Variants in SLC25A16 observed in about 807,000 individuals in gnomAD.
The protein encoded by SLC25A16 is mitochondrial coenzyme A transporter SLC25A16.
SLC25A16 carries 39 observed loss-of-function variants against 41.5 expected under a neutral mutation model. The observed-to-expected ratio is 0.94, with a 90% CI of 0.73 to 1.23. The LOEUF (loss-of-function observed/expected upper bound fraction) is 1.23, where lower values mean the gene tolerates loss of function less well. Ranked by LOEUF, SLC25A16 falls within the 50% of genes most tolerant of loss-of-function variation. SLC25A16 has a pLI of 0.00. For synonymous variants in SLC25A16, 146 were observed against 147.8 expected, an observed-to-expected ratio of 0.99 and a Z score of 0.09; for missense variants, 421 against 426.9, an observed-to-expected ratio of 0.99 and a Z score of 0.12.
intron 2 of SLC25A16, among the ~76,000 whole-genome samples, chr10:68,509,702 C>CAA (rs147491161): frequency 8.3e-4 from 115 of 138,934 alleles, no homozygotes; most frequent in African/African-American, 2.9e-3. Context: ...GACCATGTCT[C>CAA]AAAAAAAAAA....
At chr10:68,491,835 C>T (rs12773713) in intron 6 of SLC25A16, among the ~76,000 whole-genome samples, 110 of 149,548 alleles carry the variant, frequency 7.4e-4, no homozygotes, top group African/African-American at 2.6e-3. Context: ...GATTGATTGA[C>T]TGATTGATTT....
rs892447073 is a variant in SLC25A16, at chr10:68,482,666, C to G, written c.*766G>C. On this transcript the variant is annotated 3_prime_UTR_variant, in exon 9 of 9. Coordinates refer to ENST00000609923, the MANE Select transcript of SLC25A16 (RefSeq NM_152707.4). ...CTGACATTTTAAAACACATGTAAGT[C>G]ACTCATAGTACCTCATAATAACATT... 2 of 152,052 alleles carry G rather than the reference C, an allele frequency of 1.3e-5. No individual in the cohort carries two copies. Among genetic ancestry groups the G allele is most frequent in the Admixed American group, 1.3e-4 (2 of 15,242 alleles). 9.4% of individuals were successfully genotyped at this position (152,052 alleles called of 1,614,324 possible).
chr10:68,509,756 T>TATATATATATAG (rs1564923092), intron 2 of SLC25A16, among the ~76,000 whole-genome samples: 3 of 148,154 alleles, frequency 2.0e-5, no homozygotes, highest in African/African-American at 7.4e-5. Flanking sequence ...TATATATAGA[T>TATATATATATAG]ATATAGATAT....
chr10:68,509,445 T>C (rs2053015945), intron 2 of SLC25A16, among the ~76,000 whole-genome samples: 1 of 152,116 alleles, frequency 6.6e-6, no homozygotes, highest in African/African-American at 2.4e-5. Context: ...CCAGGCACAG[T>C]AGCTCATGCC....
intron 1 of SLC25A16, among the ~76,000 whole-genome samples, chr10:68,520,345 C>T (rs1362103895): frequency 6.6e-6 from 1 of 152,142 alleles, no homozygotes; most frequent in Non-Finnish European, 1.5e-5. Flanking sequence ...TACCACCAGT[C>T]ATCCATGTTC....
chr10:68,519,669 C>T (rs61856477), intron 1 of SLC25A16, among the ~76,000 whole-genome samples: 16,664 of 151,766 alleles, frequency 0.11, 1,026 homozygotes, highest in South Asian at 0.24. Context: ...ATTCCCAGCA[C>T]TTTGGGAGGC....
At chr10:68,509,733 A>ATC (rs1554919951) in intron 2 of SLC25A16, among the ~76,000 whole-genome samples, 3,197 of 145,024 alleles carry the variant, frequency 0.022, 122 homozygotes, top group African/African-American at 0.078. Flanking sequence ...CTATCTATCT[A>ATC]TATATATATC....
At chr10:68,501,424 G>A (rs2052842652) in intron 4 of SLC25A16, among the ~76,000 whole-genome samples, 2 of 151,652 alleles carry the variant, frequency 1.3e-5, no homozygotes, top group Admixed American at 6.6e-5. Flanking sequence ...CAGGCTGAGT[G>A]TAAACTCATC....
intron 2 of SLC25A16, among the ~76,000 whole-genome samples, chr10:68,513,667 G>T (rs536528726): frequency 6.6e-6 from 1 of 151,970 alleles, no homozygotes; most frequent in East Asian, 1.9e-4. Flanking sequence ...AGGCGGGCAG[G>T]TCACCTGAGG....
chr10:68,527,166 G>A, intron 1 of SLC25A16, 80 bp downstream of exon 1: 1 of 1,447,996 alleles, frequency 6.9e-7, no homozygotes, highest in Non-Finnish European at 9.3e-7. Context: ...GAATGTCATA[G>A]AGGCCGCTTG....
In SLC25A16 at chr10:68,527,487, G is replaced by T. The variant is rs1017737732; in HGVS notation, c.-112C>A. ...CTGACCGCCCCGCCGGCGGGGCAAA[G>T]TAACACCCGGCGGCGCGGCGCCGGC... On this transcript the variant is annotated 5_prime_UTR_variant, in exon 1 of 9. Coordinates refer to ENST00000609923, the MANE Select transcript of SLC25A16 (RefSeq NM_152707.4). The T allele has an allele frequency of 9.3e-7, 1 of 1,079,036 alleles. No homozygotes were observed. The highest frequency in any genetic ancestry group is 3.5e-5 in the Admixed American group (1 of 28,330). 66.8% of individuals were successfully genotyped at this position (1,079,036 alleles called of 1,614,324 possible).
intron 1 of SLC25A16, among the ~76,000 whole-genome samples, chr10:68,520,220 G>A (rs1196224475): frequency 6.6e-6 from 1 of 151,360 alleles, no homozygotes; most frequent in Non-Finnish European, 1.5e-5. Flanking sequence ...ACCTCCCAAA[G>A]TACTGGGATT....
intron 1 of SLC25A16, among the ~76,000 whole-genome samples, chr10:68,518,728 C>G (rs571240557): frequency 6.6e-6 from 1 of 151,114 alleles, no homozygotes; most frequent in South Asian, 2.1e-4. Flanking sequence ...GAGCCGAGAT[C>G]GCACCACTGC....
chr10:68,508,777 C>A (rs2053004279), intron 2 of SLC25A16, among the ~76,000 whole-genome samples: 1 of 151,954 alleles, frequency 6.6e-6, no homozygotes, highest in Admixed American at 6.6e-5. Context: ...AAAGGTTAAG[C>A]CCTGTTTAAT....
chr10:68,524,031 C>A (rs1403579740), intron 1 of SLC25A16, among the ~76,000 whole-genome samples: 6 of 145,928 alleles, frequency 4.1e-5, no homozygotes, highest in African/African-American at 1.6e-4. Context: ...GTCAAAAGAT[C>A]AAGACCAGGT....
intron 2 of SLC25A16, among the ~76,000 whole-genome samples, chr10:68,508,934 A>T (rs1483888008): frequency 6.6e-6 from 1 of 152,164 alleles, no homozygotes; most frequent in Non-Finnish European, 1.5e-5. Context: ...GCTCTGTTGC[A>T]GGTCCACATA....
Position 68,527,349 on chromosome 10 carries a change from G to T in SLC25A16, c.27C>A (p.Ala9=). ...CGGGAGGGGGATCGGCCGCCGCCAG[G>T]GCTGCCGCGGCCGTCGCCGCCGCCA... The part of the protein sequence containing the change: MAAATAAA[A]LAAADPPPAM... Residue 9 remains alanine, a synonymous_variant, in exon 1 of 9, where the codon GCC becomes GCA. Transcript: ENST00000609923. 6.6e-7 allele frequency: 1 copy of T among 1,513,018 alleles called. No individual in the cohort carries two copies. Among genetic ancestry groups the T allele is most frequent in the Non-Finnish European group, 8.8e-7 (1 of 1,134,924 alleles). 93.7% of individuals were successfully genotyped at this position (1,513,018 alleles called of 1,614,324 possible).
chr10:68,513,567 A>T (rs1283469517), intron 2 of SLC25A16, among the ~76,000 whole-genome samples: 2 of 152,190 alleles, frequency 1.3e-5, no homozygotes, highest in Non-Finnish European at 2.9e-5. Flanking sequence ...ACCCTGTTAA[A>T]CATCTTTCTA....
At chr10:68,503,783 T>A in intron 3 of SLC25A16, 88 bp from the exon 4 acceptor site, 2 of 812,530 alleles carry the variant, frequency 2.5e-6, no homozygotes, top group Non-Finnish European at 4.2e-6. Context: ...TTTCAAGAGT[T>A]ACAGGACTAA....
Sources: allele counts gnomAD v4.1 joint callset (sites outside exome capture counted in the v4.1 genomes callset), GRCh38; gene constraint gnomAD v4.1.1; transcripts MANE v1.5; gene names NCBI Gene and HGNC (gene_info 2026-07-23, HGNC 2026-07-21).